IFT80: variants seen among roughly 807,000 people sequenced by gnomAD.
IFT80 encodes the protein intraflagellar transport protein 80 homolog.
In IFT80, 79 loss-of-function variants were observed where a neutral mutation model predicts 107.9. The observed-to-expected ratio is 0.73, with a 90% CI of 0.61 to 0.88. The LOEUF (loss-of-function observed/expected upper bound fraction) is 0.88, where lower values mean the gene tolerates loss of function less well. Among genes scored for constraint, IFT80 ranks in the 40% least tolerant of loss-of-function variants. IFT80 has a pLI of 0.00. For missense variants in IFT80, 797 were observed against 914.2 expected (o/e 0.87, Z 1.65); for synonymous variants, 299 against 300.9 (o/e 0.99, Z 0.07).
chr3:160,277,868 T>G (rs921817883), intron 16 of IFT80, among the ~76,000 whole-genome samples, 198 bp from the exon 17 acceptor site: 1 of 152,158 alleles, frequency 6.6e-6, no homozygotes, highest in Non-Finnish European at 1.5e-5. Flanking sequence ...ACAGAAAACT[T>G]TTGAATGAAA....
chr3:160,315,574 G>T (rs1251757045), intron 9 of IFT80, among the ~76,000 whole-genome samples: 1 of 152,096 alleles, frequency 6.6e-6, no homozygotes, highest in Non-Finnish European at 1.5e-5. Context: ...TGAGTTTGGG[G>T]TCTCAAGATT....
intron 18 of IFT80, among the ~76,000 whole-genome samples, chr3:160,273,308 C>T (rs907139395): frequency 6.6e-5 from 10 of 152,128 alleles, no homozygotes; most frequent in Admixed American, 5.9e-4. Flanking sequence ...TGAAGTGAAT[C>T]AGAGGTCAAG....
chr3:160,311,400 T>C lies in IFT80; in HGVS notation c.958-3619A>G, dbSNP rs553254050. ...ATTGGAGAAATGTGATCTGTTACTG[T>C]AGAAAGACGTTAGGAAAAGACTGGG... is the stretch of plus-strand genomic sequence containing the variant. On this transcript the variant is annotated intron_variant, in intron 9 of 19. Coordinates refer to ENST00000326448, the MANE Select transcript of IFT80 (RefSeq NM_020800.3). Among the ~76,000 whole-genome samples the C allele has an allele frequency of 1.4e-4, 22 of 152,336 alleles. No individual in the cohort carries two copies. In the South Asian group the frequency reaches 3.5e-3, roughly 24 times the overall value.
chr3:160,376,951 C>T (rs1308368014), intron 4 of IFT80, among the ~76,000 whole-genome samples: 1 of 152,172 alleles, frequency 6.6e-6, no homozygotes, highest in African/African-American at 2.4e-5. Flanking sequence ...GGCTCTGAGT[C>T]AGACAGAACC....
Position 160,339,371 on chromosome 3 carries a change from G to A in IFT80, c.777+16642C>T, listed in dbSNP as rs562772652. Among the ~76,000 whole-genome samples, 3 of 152,148 alleles carry A rather than the reference G, an allele frequency of 2.0e-5. No individual in the cohort carries two copies. The South Asian group carries it at 6.2e-4, about 32-fold the overall frequency. On this transcript the variant is annotated intron_variant, in intron 8 of 19. Coordinates refer to ENST00000326448, the MANE Select transcript of IFT80 (RefSeq NM_020800.3). Reference sequence around the variant, plus strand: ...AATGTCCAAAGACAAAAACTTGGAAGGTAGACAGAAAAATTAAAATATTTT... The same window carrying A: ...AATGTCCAAAGACAAAAACTTGGAAAGTAGACAGAAAAATTAAAATATTTT...
At chr3:160,334,167 A>G (rs974107713) in intron 8 of IFT80, among the ~76,000 whole-genome samples, 4 of 152,210 alleles carry the variant, frequency 2.6e-5, no homozygotes, top group African/African-American at 4.8e-5. Context: ...CTTAAAAATT[A>G]CTGTTAATTG....
At chr3:160,300,714 C>T (rs765465066) in intron 12 of IFT80, among the ~76,000 whole-genome samples, 169 bp downstream of exon 12, 8 of 152,012 alleles carry the variant, frequency 5.3e-5, no homozygotes, top group Non-Finnish European at 1.0e-4. Flanking sequence ...AGTATGACAA[C>T]TTCAGCTGCT....
chr3:160,320,698 A>G (rs1461323898), intron 8 of IFT80, among the ~76,000 whole-genome samples: 1 of 151,708 alleles, frequency 6.6e-6, no homozygotes, highest in Non-Finnish European at 1.5e-5. Context: ...TCATTCTTCC[A>G]GCCTTACAGC....
chr3:160,334,810 T>C (rs1172221304), intron 8 of IFT80, among the ~76,000 whole-genome samples: 2 of 152,006 alleles, frequency 1.3e-5, no homozygotes, highest in African/African-American at 2.4e-5. Context: ...CATAGCTTTT[T>C]TTTTTTTTTA....
intron 1 of IFT80, among the ~76,000 whole-genome samples, chr3:160,385,887 T>C (rs1283152704): frequency 6.6e-6 from 1 of 152,150 alleles, no homozygotes; most frequent in African/African-American, 2.4e-5. Context: ...TATAAGGATT[T>C]TAAAAGAAGA....
chr3:160,275,471 T>C (rs1021872410), intron 18 of IFT80, among the ~76,000 whole-genome samples: 11 of 152,214 alleles, frequency 7.2e-5, no homozygotes, highest in African/African-American at 2.7e-4. Context: ...CCCTTATGGA[T>C]TATATGCTTC....
chr3:160,283,909 T>C (rs574547634), intron 13 of IFT80, among the ~76,000 whole-genome samples: 21 of 152,308 alleles, frequency 1.4e-4, no homozygotes, highest in African/African-American at 4.3e-4. Flanking sequence ...TAGTGGGACA[T>C]AAAAGCAGTT....
chr3:160,298,463 T>C (rs1301541047), intron 12 of IFT80, among the ~76,000 whole-genome samples: 1 of 152,178 alleles, frequency 6.6e-6, no homozygotes, highest in African/African-American at 2.4e-5. Flanking sequence ...GTAAAACAGA[T>C]ACTTAATTGG....
At chr3:160,333,995 T>C (rs1178403048) in intron 8 of IFT80, among the ~76,000 whole-genome samples, 2 of 152,202 alleles carry the variant, frequency 1.3e-5, no homozygotes, top group Admixed American at 1.3e-4. Flanking sequence ...CTAGGATGGC[T>C]ATGACATCAC....
chr3:160,350,225 G>A (rs1409007968), intron 8 of IFT80, among the ~76,000 whole-genome samples: 2 of 151,266 alleles, frequency 1.3e-5, no homozygotes, highest in African/African-American at 4.9e-5. Context: ...GACCAGCCTG[G>A]GCAATATGGT....
chr3:160,292,140 G>A (rs1386646840), intron 12 of IFT80, among the ~76,000 whole-genome samples: 1 of 152,206 alleles, frequency 6.6e-6, no homozygotes, highest in Non-Finnish European at 1.5e-5. Context: ...ATGAATAGAT[G>A]CCGAGTCCGC....
intron 12 of IFT80, among the ~76,000 whole-genome samples, chr3:160,290,133 G>C (rs1328164683): frequency 6.6e-6 from 1 of 152,072 alleles, no homozygotes; most frequent in Non-Finnish European, 1.5e-5. Flanking sequence ...GTCCTAATGG[G>C]GCCGGGCTCA....
At chr3:160,275,182 TAAGTGGAGGCCAGTGTTTAG>T (rs2108222135) in intron 18 of IFT80, among the ~76,000 whole-genome samples, 2 of 152,312 alleles carry the variant, frequency 1.3e-5, no homozygotes, top group East Asian at 3.9e-4. Context: ...AACCACTGAA[TAAGTGGAGGCCAGTGTTTAG>T]AAGTACTATT....
intron 8 of IFT80, among the ~76,000 whole-genome samples, chr3:160,347,169 C>A (rs1253233074): frequency 6.6e-6 from 1 of 152,142 alleles, no homozygotes; most frequent in African/African-American, 2.4e-5. Flanking sequence ...CACCAGCAAG[C>A]CACACCAGAA....
Sources: gnomAD v4.1 joint callset for allele counts (sites outside exome capture counted in the v4.1 genomes callset) on GRCh38, gnomAD v4.1.1 for gene constraint, MANE v1.5 for transcripts, NCBI Gene and HGNC (gene_info 2026-07-23, HGNC 2026-07-21) for gene names.